Variants in PML observed in about 807,000 individuals in gnomAD.
PML encodes the protein PML nuclear body scaffold.
PML carries 28 observed loss-of-function variants against 65.2 expected under a neutral mutation model. The ratio of observed to expected loss-of-function variants is 0.43; its 90% CI spans 0.32 to 0.59. The LOEUF (loss-of-function observed/expected upper bound fraction) is 0.59. Among genes scored for constraint, PML ranks in the 20% least tolerant of loss-of-function variants. The probability of loss-of-function intolerance (pLI) is 0.08; values close to 1 mark genes in which losing one functional copy is unlikely to be tolerated. For missense variants in PML, 1,021 were observed against 1,203.4 expected, an observed-to-expected ratio of 0.85 and a Z score of 2.24; for synonymous variants, 500 against 508.8, an observed-to-expected ratio of 0.98 and a Z score of 0.23.
At position 74,042,711 on chromosome 15, in the gene PML, C is replaced by T. The variant is rs2071721013; in HGVS notation, c.1711-278C>T. ...ACAGATTTAGCACTTGGATTCATTC[C>T]CACACATGCACGTTCACAACCTGTG... is the stretch of plus-strand genomic sequence containing the variant. On this transcript the variant is annotated intron_variant, in intron 7 of 8. Coordinates refer to ENST00000268058, the MANE Select transcript of PML (RefSeq NM_033238.3). This position sits in a 1 kb window ranked among gnomAD's most constrained non-coding sequence, Gnocchi z 5.3. 1 of 985,382 alleles carries T rather than the reference C, an allele frequency of 1.0e-6. No individual in the cohort carries two copies. Among genetic ancestry groups the T allele is most frequent in the Middle Eastern group, 5.2e-4 (1 of 1,914 alleles). 61.0% of individuals were successfully genotyped at this position (985,382 alleles called of 1,614,324 possible).
intron 2 of PML, among the ~76,000 whole-genome samples, chr15:74,022,129 G>T (rs2070864459): frequency 6.6e-6 from 1 of 152,154 alleles, no homozygotes; most frequent in Non-Finnish European, 1.5e-5. Context: ...GGCTAATTTT[G>T]TATTTTTAGT....
intron 2 of PML, among the ~76,000 whole-genome samples, chr15:74,017,972 A>T (rs2070670193): frequency 6.6e-6 from 1 of 152,016 alleles, no homozygotes; most frequent in Non-Finnish European, 1.5e-5. Context: ...CTGTCTCTAT[A>T]AAATTAAAAA....
chr15:74,016,793 T>TTTTTTTTTC (rs2070605082), intron 2 of PML, among the ~76,000 whole-genome samples: 1 of 80,084 alleles, frequency 1.2e-5, no homozygotes, highest in Non-Finnish European at 2.7e-5. Context: ...CAGTGGCATC[T>TTTTTTTTTC]TTTTTTTTTT....
chr15:74,039,595 C>A (rs899404694), intron 7 of PML, among the ~76,000 whole-genome samples: 1 of 152,208 alleles, frequency 6.6e-6, no homozygotes, highest in East Asian at 1.9e-4. Flanking sequence ...CAATTGTTCT[C>A]AAGCTGGCTG....
At position 74,024,922 on chromosome 15, in the gene PML, G is replaced by C. The variant is rs145863996; in HGVS notation, c.1249G>C (p.Asp417His). Residue 417 changes from aspartate to histidine, a missense_variant, in exon 4 of 9, where the codon GAC becomes CAC. Physicochemically the swap from Asp to His is moderately conservative, Grantham distance 81 (BLOSUM62 -1). Transcript: ENST00000268058. ...ASTPRDPIDV[D>H]LPEEAERVKA... Reference sequence around the variant, plus strand: ...CACTCCCAGGGACCCTATTGACGTTGACCTGGTGAGATGGGTTTGAGGTCT... The same window carrying C: ...CACTCCCAGGGACCCTATTGACGTTCACCTGGTGAGATGGGTTTGAGGTCT... 2.6e-4 allele frequency: 415 copies of C among 1,611,894 alleles called. No homozygotes were observed. Among genetic ancestry groups the C allele is most frequent in the Non-Finnish European group, 3.3e-4 (387 of 1,178,206 alleles).
At chr15:74,024,692 T>A (rs1395804661) in intron 3 of PML, among the ~76,000 whole-genome samples, 165 bp from the exon 4 acceptor site, 1 of 152,184 alleles carries the variant, frequency 6.6e-6, no homozygotes, top group Non-Finnish European at 1.5e-5. Context: ...GAGAGAGCTC[T>A]CCTTCCAGCT....
chr15:73,995,186 C>T lies in PML; in HGVS notation c.129+245C>T, dbSNP rs529512359. 3.3e-5 allele frequency among the ~76,000 whole-genome samples: 5 copies of T among 152,340 alleles called. No individual in the cohort carries two copies. The South Asian group carries it at 1.0e-3, about 32-fold the overall frequency. On this transcript the variant is annotated intron_variant, in intron 1 of 8. Transcript: ENST00000268058. ...GCTGGGCTGCGGTTTCTCCACTGAG[C>T]AGTTGGGCAAGGTGAGAAGGGTCAG...
Position 74,021,314 on chromosome 15 carries a change from C to T in PML, c.603-1514C>T, listed in dbSNP as rs1363518979. Among the ~76,000 whole-genome samples the T allele has an allele frequency of 5.9e-5, 9 of 152,284 alleles. No individual in the cohort carries two copies. In the South Asian group the frequency reaches 1.0e-3, roughly 18 times the overall value. ...TAAAATATATTAACCAGGCCAGGCA[C>T]GGTGGCTCACACCTGTAATCCCAGC... On this transcript the variant is annotated intron_variant, in intron 2 of 8. Coordinates refer to ENST00000268058, the MANE Select transcript of PML (RefSeq NM_033238.3).
chr15:74,037,179 T>G lies in PML; in HGVS notation c.1710+2649T>G. The G allele has an allele frequency of 1.0e-6, 1 of 985,458 alleles. No homozygotes were observed. The highest frequency in any genetic ancestry group is 1.2e-6 in the Non-Finnish European group (1 of 829,934). The allele number at this position is 985,458 out of a possible 1,614,324, so 61.0% of individuals were successfully genotyped here. On this transcript the variant is annotated intron_variant, in intron 7 of 8. Transcript: ENST00000268058. This position sits in a 1 kb window ranked among gnomAD's most constrained non-coding sequence, Gnocchi z 4.2. Reference sequence around the variant, plus strand: ...TTTGCTCTGCAGGGCAGCCCCCGCCTGCCTTTCTTCACTGGGCCCTTGTCC... The same window carrying G: ...TTTGCTCTGCAGGGCAGCCCCCGCCGGCCTTTCTTCACTGGGCCCTTGTCC...
chr15:74,023,071 CGTGCGCCA>C lies in PML; in HGVS notation c.848_855del (p.Val283GlyfsTer130). On this transcript the variant is annotated frameshift_variant, in exon 3 of 9. Transcript: ENST00000268058. LOFTEE classifies it high-confidence loss of function. ...AGACCGAGGAGCTGATCCGCGAGCGCGTGCGCCAGGTGGTAGCTCACGTGCGGGCTCAG... is the reference window on the plus strand; with the variant it reads ...AGACCGAGGAGCTGATCCGCGAGCGCGGTGGTAGCTCACGTGCGGGCTCAG... The C allele has an allele frequency of 6.2e-7, 1 of 1,602,922 alleles. No homozygotes were observed. The highest frequency in any genetic ancestry group is 8.5e-7 in the Non-Finnish European group (1 of 1,178,594).
intron 7 of PML, chr15:74,034,959 T>C: frequency 6.8e-7 from 1 of 1,470,198 alleles, no homozygotes; most frequent in Non-Finnish European, 9.0e-7. Context: ...CAAGTGAGGT[T>C]TGACTCCATC....
At chr15:73,996,078 A>G (rs1320967953) in intron 1 of PML, among the ~76,000 whole-genome samples, 1 of 152,218 alleles carries the variant, frequency 6.6e-6, no homozygotes, top group Non-Finnish European at 1.5e-5. Context: ...AAAATGTGGT[A>G]AAATATACCT....
chr15:74,038,945 C>G (rs1190038465), intron 7 of PML, among the ~76,000 whole-genome samples: 1 of 152,208 alleles, frequency 6.6e-6, no homozygotes, highest in Non-Finnish European at 1.5e-5. Context: ...TGTGGAGTAC[C>G]TGGGGTGAGG....
At chr15:74,021,301 A>G (rs914545634) in intron 2 of PML, among the ~76,000 whole-genome samples, 1 of 152,166 alleles carries the variant, frequency 6.6e-6, no homozygotes, top group African/African-American at 2.4e-5. Context: ...AAATATATTA[A>G]CCAGGCCAGG....
At chr15:74,024,216 G>A (rs1567131094) in intron 3 of PML, among the ~76,000 whole-genome samples, 2 of 152,148 alleles carry the variant, frequency 1.3e-5, no homozygotes, top group East Asian at 3.9e-4. Context: ...AGGGGAGGGA[G>A]GCTATGGAAT....
chr15:74,044,415 A>C lies in PML; in HGVS notation c.2056A>C (p.Asn686His), dbSNP rs752841570. 4 of 1,613,956 alleles carry C rather than the reference A, an allele frequency of 2.5e-6. No homozygotes were observed. In the East Asian group the frequency reaches 8.9e-5, roughly 36 times the overall value. The change falls in exon 9 of 9, where the codon AAC (asparagine) becomes CAC (histidine). Residue 686 changes from asparagine (N) to histidine (H), a missense_variant. Asn to His is a moderately conservative substitution (Grantham distance 68). Coordinates refer to ENST00000268058, the MANE Select transcript of PML (RefSeq NM_033238.3). ...CAAGCTGTGGGGGCCTGGCCTCCCA[A>C]ACTTCTTCCGGGCCCTGGAGGACAT... ...CYKLWGPGLP[N>H]FFRALEDINR...
intron 6 of PML, 67 bp from the exon 7 acceptor site, chr15:74,034,397 GATTCCCATAGGTGC>G: frequency 6.2e-7 from 1 of 1,601,476 alleles, no homozygotes; most frequent in East Asian, 2.2e-5. Flanking sequence ...GGCCTGCAAG[GATTCCCATAGGTGC>G]ACACCCACAC....
chr15:74,022,478 T>C (rs140875175), intron 2 of PML, among the ~76,000 whole-genome samples: 9 of 152,172 alleles, frequency 5.9e-5, no homozygotes, highest in African/African-American at 1.7e-4. Flanking sequence ...TGTAAGGCGG[T>C]TTCAGTGGAG....
chr15:74,045,016 G>A lies in PML; in HGVS notation c.*8G>A, dbSNP rs754139645. ...GCCTCCCAGCAGAGCTGAGAGGAGG[G>A]GGTGACCAGCTTGGAGTCTCTGGTG... On this transcript the variant is annotated 3_prime_UTR_variant, in exon 9 of 9. Transcript: ENST00000268058. 5.0e-6 allele frequency: 8 copies of A among 1,590,366 alleles called. No homozygotes were observed. The highest frequency in any genetic ancestry group is 1.7e-4 in the Middle Eastern group (1 of 5,892).
Sources: gnomAD v4.1 joint callset for allele counts (sites outside exome capture counted in the v4.1 genomes callset) on GRCh38, gnomAD v4.1.1 for gene constraint, Gnocchi (gnomAD v3.1) non-coding constraint, MANE v1.5 for transcripts, NCBI Gene and HGNC (gene_info 2026-07-23, HGNC 2026-07-21) for gene names.